The following COLEC12 variants were observed in gnomAD, a reference collection of about 807,000 sequenced individuals.
COLEC12 encodes collectin-12.
A neutral mutation model predicts 71.1 loss-of-function variants in COLEC12; 33 were observed. That is an observed-to-expected ratio of 0.46 (90% CI 0.35 to 0.62). The LOEUF is 0.62. Among genes scored for constraint, COLEC12 ranks in the 20% least tolerant of loss-of-function variants. COLEC12 has a pLI of 0.00. For missense variants in COLEC12, 765 were observed against 916.1 expected (o/e 0.84, Z 2.13); for synonymous variants, 350 against 353.0 (o/e 0.99, Z 0.10).
rs1300006547 is a variant in COLEC12, at chr18:318,249, G to A, written c.*1796C>T. 1 of 151,834 alleles carries A rather than the reference G, an allele frequency of 6.6e-6. No homozygotes were observed. Among genetic ancestry groups the A allele is most frequent in the African/African-American group, 2.4e-5 (1 of 41,348 alleles). 9.4% of individuals were successfully genotyped at this position (151,834 alleles called of 1,614,324 possible). On this transcript the variant is annotated 3_prime_UTR_variant, in exon 10 of 10. Coordinates refer to ENST00000400256, the MANE Select transcript of COLEC12 (RefSeq NM_130386.3). ...TCCGCCTCGGCCTCCCAAAGTGCTGGGATTACAGGCGTGAGCCACCGCGCC... is the reference window on the plus strand; with the variant it reads ...TCCGCCTCGGCCTCCCAAAGTGCTGAGATTACAGGCGTGAGCCACCGCGCC...
In COLEC12 at chr18:477,626, C is replaced by A. The variant is rs189421240; in HGVS notation, c.58+3081G>T. ...AAAACATTGAGAGAGTGCTAACAGC[C>A]CCAAATCTCGGGAGAGTGATAATAC... On this transcript the variant is annotated intron_variant, in intron 2 of 9. Coordinates refer to ENST00000400256, the MANE Select transcript of COLEC12 (RefSeq NM_130386.3). Among the ~76,000 whole-genome samples the A allele has an allele frequency of 3.3e-5, 5 of 152,276 alleles. No individual in the cohort carries two copies. In the East Asian group the frequency reaches 5.8e-4, roughly 18 times the overall value.
chr18:353,494 C>T (rs534923974), intron 3 of COLEC12, among the ~76,000 whole-genome samples: 1 of 152,264 alleles, frequency 6.6e-6, no homozygotes, highest in Admixed American at 6.5e-5. Context: ...TTTCTTTTTC[C>T]TAAATCTGGT....
chr18:432,685 C>T (rs941346179), intron 2 of COLEC12, among the ~76,000 whole-genome samples: 9 of 151,920 alleles, frequency 5.9e-5, no homozygotes, highest in African/African-American at 1.9e-4. Context: ...CTACCAGCTC[C>T]CTCAGTTCAC....
At chr18:458,644 A>G (rs1916917306) in intron 2 of COLEC12, among the ~76,000 whole-genome samples, 3 of 152,226 alleles carry the variant, frequency 2.0e-5, no homozygotes, top group Admixed American at 2.0e-4. Context: ...TGGACAGACC[A>G]CCTGTTCAAA....
At chr18:355,858 G>A (rs1282305973) in intron 3 of COLEC12, among the ~76,000 whole-genome samples, 1 of 152,148 alleles carries the variant, frequency 6.6e-6, no homozygotes, top group African/African-American at 2.4e-5. Context: ...TCTGCCCAGC[G>A]CTAATCATGA....
At position 482,243 on chromosome 18, in the gene COLEC12, G is replaced by A. The variant is rs143627978; in HGVS notation, c.8-1486C>T. 1.0e-3 allele frequency among the ~76,000 whole-genome samples: 153 copies of A among 151,394 alleles called. 3 individuals carry two copies. The East Asian group carries it at 0.023, about 23-fold the overall frequency. On this transcript the variant is annotated intron_variant, in intron 1 of 9. Coordinates refer to ENST00000400256, the MANE Select transcript of COLEC12 (RefSeq NM_130386.3). Reference sequence around the variant, plus strand: ...TGATTCTCCTGCCTCAGCCTTCTGAGGCTGGGATTACAGGCACCCGCCACT... The same window carrying A: ...TGATTCTCCTGCCTCAGCCTTCTGAAGCTGGGATTACAGGCACCCGCCACT...
chr18:482,902 C>T (rs1007319467), intron 1 of COLEC12, among the ~76,000 whole-genome samples: 4 of 152,102 alleles, frequency 2.6e-5, no homozygotes, highest in East Asian at 1.9e-4. Flanking sequence ...TGTGAGCTAC[C>T]GTGCCCACCC....
At chr18:441,318 ATGCTC>A (rs1196488895) in intron 2 of COLEC12, among the ~76,000 whole-genome samples, 2 of 152,168 alleles carry the variant, frequency 1.3e-5, no homozygotes, top group Non-Finnish European at 2.9e-5. Context: ...ATAGAAAACT[ATGCTC>A]TGCAGCTTAT....
chr18:410,452 T>C (rs1265795482), intron 2 of COLEC12, among the ~76,000 whole-genome samples: 2 of 152,042 alleles, frequency 1.3e-5, no homozygotes, highest in East Asian at 1.9e-4. Context: ...CTTTTTTTTT[T>C]TTTTAAGACG....
intron 2 of COLEC12, among the ~76,000 whole-genome samples, chr18:418,042 CA>C: frequency 6.6e-6 from 1 of 152,316 alleles, no homozygotes; most frequent in East Asian, 1.9e-4. Context: ...GTGAAGAACA[CA>C]GTGAGAAATG....
chr18:377,441 C>T (rs557523787), intron 2 of COLEC12, among the ~76,000 whole-genome samples: 16 of 152,330 alleles, frequency 1.1e-4, no homozygotes, highest in South Asian at 4.1e-4. Context: ...TAACAGTGTG[C>T]GCTGGGATAT....
intron 1 of COLEC12, among the ~76,000 whole-genome samples, chr18:483,610 T>G (rs1917465746): frequency 6.6e-6 from 1 of 152,172 alleles, no homozygotes; most frequent in Non-Finnish European, 1.5e-5. Flanking sequence ...TGGAAGAACT[T>G]GCCTACAACC....
intron 2 of COLEC12, among the ~76,000 whole-genome samples, chr18:476,803 G>A (rs576329221): frequency 2.6e-5 from 4 of 152,130 alleles, no homozygotes; most frequent in Admixed American, 1.3e-4. Flanking sequence ...AAATATACTG[G>A]TGCCTCATGT....
chr18:418,727 T>A (rs989470400), intron 2 of COLEC12, among the ~76,000 whole-genome samples: 1 of 152,152 alleles, frequency 6.6e-6, no homozygotes, highest in African/African-American at 2.4e-5. Flanking sequence ...CATGGCAACA[T>A]CAGGAAGTTA....
intron 1 of COLEC12, among the ~76,000 whole-genome samples, chr18:482,645 CT>C: frequency 1.3e-5 from 2 of 151,528 alleles, no homozygotes; most frequent in Non-Finnish European, 2.9e-5. Flanking sequence ...GAATTTTGTT[CT>C]TGTCGCCCAG....
Position 329,708 on chromosome 18 carries a change from G to C in COLEC12, c.2063+1960C>G, listed in dbSNP as rs576579919. Among the ~76,000 whole-genome samples, 6 of 152,352 alleles carry C rather than the reference G, an allele frequency of 3.9e-5. No individual in the cohort carries two copies. The South Asian group carries it at 8.3e-4, about 21-fold the overall frequency. On this transcript the variant is annotated intron_variant, in intron 8 of 9. Coordinates refer to ENST00000400256, the MANE Select transcript of COLEC12 (RefSeq NM_130386.3). ...ATCCACTTGCCCTTAAGGGCAGTCT[G>C]AGGCTCACCTTCAGAGCAGACCTAA...
rs1024150988 is a variant in COLEC12 at position 399,144 on chromosome 18, C to A, written c.59-41622G>T. Among the ~76,000 whole-genome samples the A allele has an allele frequency of 6.6e-6, 1 of 152,154 alleles. No individual in the cohort carries two copies. The highest frequency in any genetic ancestry group is 1.5e-5 in the Non-Finnish European group (1 of 68,026). On this transcript the variant is annotated intron_variant, in intron 2 of 9. Transcript: ENST00000400256. This position sits in a 1 kb window ranked among gnomAD's most constrained non-coding sequence, Gnocchi z 4.0. ...GGAACTGTTTAAAAAGCAAAGGAAC[C>A]AAAAACAACACAAAAAAACCCCAAT...
At chr18:452,929 C>A (rs1916791507) in intron 2 of COLEC12, among the ~76,000 whole-genome samples, 1 of 152,166 alleles carries the variant, frequency 6.6e-6, no homozygotes. Context: ...CAGGGGTCCT[C>A]CCCCATGGGA....
intron 3 of COLEC12, among the ~76,000 whole-genome samples, chr18:353,329 C>G (rs1914563722): frequency 6.6e-6 from 1 of 152,176 alleles, no homozygotes; most frequent in South Asian, 2.1e-4. Flanking sequence ...CTTCCAACTG[C>G]TGTTTTGTAG....
Sources: allele counts gnomAD v4.1 joint callset (sites outside exome capture counted in the v4.1 genomes callset), GRCh38; gene constraint gnomAD v4.1.1; non-coding constraint Gnocchi (gnomAD v3.1); transcripts MANE v1.5; gene names NCBI Gene and HGNC (gene_info 2026-07-23, HGNC 2026-07-21).